CNOT9: variants seen among roughly 807,000 people sequenced by gnomAD.
CNOT9 encodes CCR4-NOT transcription complex subunit 9.
CNOT9 carries 8 observed loss-of-function variants against 37.4 expected under a neutral mutation model. The ratio of observed to expected loss-of-function variants is 0.21; its 90% CI spans 0.13 to 0.39. The LOEUF is 0.39. Among genes scored for constraint, CNOT9 ranks in the 10% least tolerant of loss-of-function variants. CNOT9 has a pLI of 1.00. For missense variants in CNOT9, 154 were observed against 365.3 expected (o/e 0.42, Z 4.71); for synonymous variants, 120 against 137.6 (o/e 0.87, Z 0.90).
chr2:218,588,876 C>A (rs1286058512), intron 5 of CNOT9, among the ~76,000 whole-genome samples: 7 of 151,816 alleles, frequency 4.6e-5, no homozygotes, highest in African/African-American at 1.7e-4. Context: ...CACCCAGCCT[C>A]AATTTTTTTC....
intron 3 of CNOT9, among the ~76,000 whole-genome samples, chr2:218,583,841 G>T (rs1227413215): frequency 2.0e-5 from 3 of 152,120 alleles, no homozygotes; most frequent in Non-Finnish European, 4.4e-5. Context: ...TCTTCTACAA[G>T]GTGTAACTAT....
intron 7 of CNOT9, chr2:218,593,452 G>A (rs1694845854): frequency 3.4e-6 from 3 of 871,760 alleles, no homozygotes; most frequent in Admixed American, 3.1e-5. Flanking sequence ...CTTGTACAAA[G>A]AAAACTAGTC....
rs925876945 is a variant in CNOT9 at position 218,584,476 on chromosome 2, A to G, written c.321-136A>G. On this transcript the variant is annotated intron_variant, in intron 3 of 7. Transcript: ENST00000273064. The stretch of plus-strand genomic sequence containing the variant: ...GAACCATTGGTTGAGACTAATGACC[A>G]GTAACATTGTTTTCCTAAGGATTCC... 1.2e-4 allele frequency: 88 copies of G among 724,046 alleles called. No individual in the cohort carries two copies. In the East Asian group the frequency reaches 2.2e-3, roughly 18 times the overall value. The allele number at this position is 724,046 out of a possible 1,614,324, so 44.9% of individuals were successfully genotyped here.
chr2:218,576,700 G>T (rs1694181959), intron 1 of CNOT9, among the ~76,000 whole-genome samples: 1 of 152,116 alleles, frequency 6.6e-6, no homozygotes, highest in Admixed American at 6.5e-5. Flanking sequence ...GAGCACAGTC[G>T]CTTATACCTG....
In CNOT9 at chr2:218,587,621, A is replaced by C. The variant is rs769758941; in HGVS notation, c.466A>C (p.Asn156His). 1 of 1,608,632 alleles carries C rather than the reference A, an allele frequency of 6.2e-7. No individual in the cohort carries two copies. The highest frequency in any genetic ancestry group is 8.5e-7 in the Non-Finnish European group (1 of 1,177,376). The change falls in exon 5 of 8, where the codon AAC (asparagine) becomes CAC (histidine). Residue 156 changes from asparagine to histidine, a missense_variant. By Grantham distance (68) the Asn-to-His change is moderately conservative. This residue lies in a region of CNOT9 where 117 missense variants were observed against 325.4 expected (regional missense o/e 0.36). Transcript: ENST00000273064. ...GAAAACAGATGAACAAGAAGTAATC[A>C]ACTTTTTATTAACAACAGAAATTAT... ...LVKTDEQEVI[N>H]FLLTTEIIPL...
intron 1 of CNOT9, among the ~76,000 whole-genome samples, chr2:218,571,676 A>G (rs779850908): frequency 1.3e-5 from 2 of 151,138 alleles, no homozygotes; most frequent in East Asian, 2.0e-4. Flanking sequence ...GGTTCAAGCA[A>G]TTCTCCTGCC....
At chr2:218,587,439 A>G (rs1406736978) in intron 4 of CNOT9, 147 bp from the exon 5 acceptor site, 2 of 1,277,800 alleles carry the variant, frequency 1.6e-6, no homozygotes, top group East Asian at 6.3e-5. Context: ...TTTTTTTTTT[A>G]ATACGAGTGT....
chr2:218,593,900 C>T, intron 7 of CNOT9: 1 of 1,013,478 alleles, frequency 9.9e-7, no homozygotes, highest in Non-Finnish European at 1.3e-6. Context: ...TACATTGGGG[C>T]ATCATTCAGA....
chr2:218,579,923 A>T (rs970652357), intron 1 of CNOT9, among the ~76,000 whole-genome samples: 2 of 149,712 alleles, frequency 1.3e-5, no homozygotes, highest in Admixed American at 6.7e-5. Context: ...TGCTCAAGCG[A>T]TTCTAGTGCC....
intron 1 of CNOT9, among the ~76,000 whole-genome samples, chr2:218,578,476 G>A (rs550203384): frequency 6.6e-6 from 1 of 152,308 alleles, no homozygotes; most frequent in Admixed American, 6.5e-5. Context: ...ACAATGGGTA[G>A]GTCATCATTC....
At chr2:218,580,250 T>C (rs1694327601) in intron 1 of CNOT9, among the ~76,000 whole-genome samples, 2 of 152,084 alleles carry the variant, frequency 1.3e-5, no homozygotes, top group Admixed American at 6.6e-5. Context: ...ATTACAGGGG[T>C]GTGCCACCGC....
chr2:218,592,072 A>G lies in CNOT9; in HGVS notation c.541-232A>G, dbSNP rs1366978398. ...CCTACCTCATTGATTTATTATAAAA[A>G]TAAGATAAGCATGTAAAGCCTCTAG... On this transcript the variant is annotated intron_variant, in intron 5 of 7. Transcript: ENST00000273064. This position sits in a 1 kb window ranked among gnomAD's most constrained non-coding sequence, Gnocchi z 4.1. 6.6e-6 allele frequency among the ~76,000 whole-genome samples: 1 copy of G among 152,214 alleles called. No homozygotes were observed. The highest frequency in any genetic ancestry group is 1.9e-4 in the East Asian group (1 of 5,204).
rs1172484260 is a variant in CNOT9 at position 218,588,588 on chromosome 2, C to CTTTTTTTTTTTTTTTTT, written c.540+903_540+919dup. Among the ~76,000 whole-genome samples, 8 of 33,452 alleles carry CTTTTTTTTTTTTTTTTT rather than the reference C, an allele frequency of 2.4e-4. 3 individuals are homozygous for CTTTTTTTTTTTTTTTTT. The highest frequency in any genetic ancestry group is 2.4e-4 in the Non-Finnish European group (5 of 20,800). The allele number at this position is 33,452 out of a possible 152,430, so 21.9% of individuals were successfully genotyped here. A position where few individuals can be genotyped will look rare whatever the true frequency, so the allele number is the denominator to read the frequency against. On this transcript the variant is annotated intron_variant, in intron 5 of 7. Coordinates refer to ENST00000273064, the MANE Select transcript of CNOT9 (RefSeq NM_005444.3). ...ACAGTCATGAGCCACTCCACCCGGC[C>CTTTTTTTTTTTTTTTTT]TTTTTTTTTTTTTTTTTTTTTTTTT...
chr2:218,575,387 C>CTTTTTTTTTTTTTTTTT (rs71064461), intron 1 of CNOT9, among the ~76,000 whole-genome samples: 3 of 127,234 alleles, frequency 2.4e-5, no homozygotes, highest in Non-Finnish European at 3.4e-5. Flanking sequence ...TTTCTTTTTT[C>CTTTTTTTTTTTTTTTTT]TTTTTTTTTT....
At chr2:218,591,944 G>A (rs1031442650) in intron 5 of CNOT9, among the ~76,000 whole-genome samples, 3 of 151,972 alleles carry the variant, frequency 2.0e-5, no homozygotes, top group African/African-American at 7.3e-5. Flanking sequence ...GTTATACCGG[G>A]CACATAGTAG....
chr2:218,592,717 T>C lies in CNOT9; in HGVS notation c.731+10T>C. 1.3e-6 allele frequency: 2 copies of C among 1,592,424 alleles called. No individual in the cohort carries two copies. The highest frequency in any genetic ancestry group is 1.7e-6 in the Non-Finnish European group (2 of 1,160,086). On this transcript the variant is annotated intron_variant, in intron 7 of 7. Transcript: ENST00000273064. This position sits in a 1 kb window ranked among gnomAD's most constrained non-coding sequence, Gnocchi z 4.1. ...TTTCAGATAACCCCAGGTAAACATTTATAGGATGTATAGGACTTTAGGGAA... is the reference window on the plus strand; with the variant it reads ...TTTCAGATAACCCCAGGTAAACATTCATAGGATGTATAGGACTTTAGGGAA...
At chr2:218,586,362 A>G (rs889018111) in intron 4 of CNOT9, among the ~76,000 whole-genome samples, 1 of 152,214 alleles carries the variant, frequency 6.6e-6, no homozygotes, top group African/African-American at 2.4e-5. Flanking sequence ...AAGAGACACC[A>G]AAGAGCTTGT....
chr2:218,577,751 C>A (rs1468756587), intron 1 of CNOT9, among the ~76,000 whole-genome samples: 2 of 152,056 alleles, frequency 1.3e-5, no homozygotes, highest in East Asian at 3.9e-4. Context: ...CACACTGGCT[C>A]CAGTAGGGAT....
At chr2:218,586,217 T>C (rs774593574) in intron 4 of CNOT9, among the ~76,000 whole-genome samples, 1 of 152,162 alleles carries the variant, frequency 6.6e-6, no homozygotes, top group Non-Finnish European at 1.5e-5. Context: ...TGCTATGGAC[T>C]GAATTGTGTC....
Sources: allele counts gnomAD v4.1 joint callset (sites outside exome capture counted in the v4.1 genomes callset), GRCh38; gene constraint gnomAD v4.1.1; regional missense constraint gnomAD v4.1.1; non-coding constraint Gnocchi (gnomAD v3.1); transcripts MANE v1.5; gene names NCBI Gene and HGNC (gene_info 2026-07-23, HGNC 2026-07-21).